The following GRIN2B variants were observed in gnomAD, a reference collection of about 807,000 sequenced individuals.
The protein encoded by GRIN2B is glutamate receptor ionotropic, NMDA 2B.
GRIN2B carries 5 observed loss-of-function variants against 114.5 expected under a neutral mutation model. The ratio of observed to expected loss-of-function variants is 0.04; its 90% CI spans 0.02 to 0.09. GRIN2B has a LOEUF of 0.09. GRIN2B is among the 10% of genes least tolerant of loss of function. The pLI, the probability that GRIN2B is intolerant of heterozygous loss-of-function variation, is 1.00. For missense variants in GRIN2B, 1,108 were observed against 1,943.5 expected (o/e 0.57, Z 8.08); for synonymous variants, 787 against 745.1 (o/e 1.06, Z -0.92).
Position 13,615,616 on chromosome 12 carries a change from C to G in GRIN2B, c.1377G>C (p.Gly459=), listed in dbSNP as rs779734725. Residue 459 remains glycine (G), a synonymous_variant, in exon 7 of 14, where the codon GGG becomes GGC. Transcript: ENST00000609686. The surrounding 1 kb of genome is among the most constrained non-coding windows in gnomAD (Gnocchi z 5.8). ...TTTTCTTAAGGATGTCAATACAGAA[C>G]CCCTTGCAGCATTTTTTGATGTAAC... ...EPGYIKKCCK[G]FCIDILKKIS... is the part of the protein sequence containing the mutation. 6.2e-7 allele frequency: 1 copy of G among 1,612,540 alleles called. No individual in the cohort carries two copies. The highest frequency in any genetic ancestry group is 8.5e-7 in the Non-Finnish European group (1 of 1,178,582).
intron 2 of GRIN2B, among the ~76,000 whole-genome samples, chr12:13,934,768 G>T (rs1867098460): frequency 6.9e-6 from 1 of 144,036 alleles, no homozygotes; most frequent in Non-Finnish European, 1.5e-5. Context: ...TCACTCCTCA[G>T]GAGTGATGCT....
chr12:13,819,056 T>C (rs1421774042), intron 3 of GRIN2B, among the ~76,000 whole-genome samples: 2 of 152,188 alleles, frequency 1.3e-5, no homozygotes, highest in Non-Finnish European at 2.9e-5. Flanking sequence ...TATTTGAAGA[T>C]AGGGTCTTTA....
chr12:13,613,023 G>T (rs977596560), intron 8 of GRIN2B, among the ~76,000 whole-genome samples: 11 of 152,200 alleles, frequency 7.2e-5, no homozygotes, highest in Admixed American at 7.2e-4. Flanking sequence ...AATTGTAAAA[G>T]CCTGGTCACT....
At chr12:13,842,774 T>C (rs1321867601) in intron 3 of GRIN2B, among the ~76,000 whole-genome samples, 1 of 152,156 alleles carries the variant, frequency 6.6e-6, no homozygotes, top group East Asian at 1.9e-4. Context: ...AGTGAAGTGA[T>C]GGCAAAATTA....
At chr12:13,694,702 TA>T (rs1555122560) in intron 4 of GRIN2B, among the ~76,000 whole-genome samples, 5 of 126,296 alleles carry the variant, frequency 4.0e-5, no homozygotes, top group Admixed American at 1.6e-4. Flanking sequence ...TATATATATA[TA>T]AATTAATTAA....
chr12:13,833,527 G>A (rs1865191808), intron 3 of GRIN2B, among the ~76,000 whole-genome samples: 1 of 152,124 alleles, frequency 6.6e-6, no homozygotes, highest in Non-Finnish European at 1.5e-5. Flanking sequence ...TAGTTTTCCT[G>A]AAGGACCTCT....
intron 2 of GRIN2B, among the ~76,000 whole-genome samples, chr12:13,869,063 C>G (rs754067155): frequency 6.6e-6 from 1 of 152,140 alleles, no homozygotes; most frequent in South Asian, 2.1e-4. Context: ...TTCCTTTGGG[C>G]TCTCACCATA....
intron 2 of GRIN2B, among the ~76,000 whole-genome samples, chr12:13,930,257 C>T (rs1362147907): frequency 2.0e-5 from 3 of 152,032 alleles, no homozygotes; most frequent in African/African-American, 7.3e-5. Flanking sequence ...CTTATTATAA[C>T]CTTTGCTGAT....
intron 2 of GRIN2B, among the ~76,000 whole-genome samples, chr12:13,943,741 C>G (rs563561548): frequency 6.6e-6 from 1 of 152,320 alleles, no homozygotes; most frequent in Non-Finnish European, 1.5e-5. Flanking sequence ...ATCCAAAAGG[C>G]CTTTCCTGGC....
intron 5 of GRIN2B, among the ~76,000 whole-genome samples, chr12:13,633,124 G>T (rs1452671258): frequency 3.3e-5 from 5 of 152,210 alleles, no homozygotes; most frequent in Admixed American, 2.6e-4. Flanking sequence ...ACTCCCAGGT[G>T]CTGGGATCCT....
chr12:13,844,253 AG>A (rs1369182648), intron 3 of GRIN2B, among the ~76,000 whole-genome samples: 2 of 152,172 alleles, frequency 1.3e-5, no homozygotes, highest in African/African-American at 4.8e-5. Context: ...CACTAAACTG[AG>A]GTTTAATCCT....
intron 3 of GRIN2B, among the ~76,000 whole-genome samples, chr12:13,854,656 C>CACTTA (rs111332719): frequency 0.65 from 98,069 of 151,246 alleles, 32,039 homozygotes; most frequent in African/African-American, 0.7. Flanking sequence ...GGAACACTGA[C>CACTTA]ACCCTTTCAG....
intron 11 of GRIN2B, 119 bp downstream of exon 11, chr12:13,571,685 A>C (rs1948710760): frequency 2.9e-6 from 3 of 1,050,830 alleles, no homozygotes; most frequent in Non-Finnish European, 4.5e-6. Context: ...AGAGCAAATG[A>C]AGTCTTCTTT....
At chr12:13,655,513 T>A (rs995160678) in intron 5 of GRIN2B, among the ~76,000 whole-genome samples, 4 of 152,280 alleles carry the variant, frequency 2.6e-5, no homozygotes, top group Middle Eastern at 3.4e-3. Flanking sequence ...CTCAATAGAA[T>A]GAGAATGGGA....
chr12:13,697,731 C>T (rs1018695447), intron 4 of GRIN2B, among the ~76,000 whole-genome samples: 5 of 152,136 alleles, frequency 3.3e-5, no homozygotes, highest in African/African-American at 1.2e-4. Context: ...ACATGGTATC[C>T]AAGTTAGCAT....
intron 5 of GRIN2B, among the ~76,000 whole-genome samples, chr12:13,616,909 C>T (rs1283432644): frequency 6.6e-6 from 1 of 152,242 alleles, no homozygotes; most frequent in Non-Finnish European, 1.5e-5. Context: ...CTACTATGTG[C>T]TGGCACCCTG....
chr12:13,922,292 T>C (rs891428203), intron 2 of GRIN2B, among the ~76,000 whole-genome samples: 1 of 152,296 alleles, frequency 6.6e-6, no homozygotes, highest in South Asian at 2.1e-4. Flanking sequence ...GAGTGGCAGA[T>C]AGCAGGGTGC....
At chr12:13,909,083 T>G (rs1324082312) in intron 2 of GRIN2B, among the ~76,000 whole-genome samples, 1 of 152,184 alleles carries the variant, frequency 6.6e-6, no homozygotes, top group African/African-American at 2.4e-5. Flanking sequence ...ATATACTTTC[T>G]TCTCTCCTTC....
In GRIN2B at chr12:13,721,012, T is replaced by C. The variant is rs956370418; in HGVS notation, c.1010+32305A>G. On this transcript the variant is annotated intron_variant, in intron 4 of 13. Transcript: ENST00000609686. ...CTAATGGTAGCAGCCATTTAGAGAA[T>C]TAATTAGTACCGTACAATAGATAGT... 3.9e-5 allele frequency among the ~76,000 whole-genome samples: 6 copies of C among 152,008 alleles called. 1 individual carries two copies. The highest frequency in any genetic ancestry group is 1.3e-4 in the Admixed American group (2 of 15,248).
Sources: gnomAD v4.1 joint callset for allele counts (sites outside exome capture counted in the v4.1 genomes callset) on GRCh38, gnomAD v4.1.1 for gene constraint, Gnocchi (gnomAD v3.1) non-coding constraint, MANE v1.5 for transcripts, NCBI Gene and HGNC (gene_info 2026-07-23, HGNC 2026-07-21) for gene names.